Variants in SCD5 observed in about 807,000 individuals in gnomAD.
The protein encoded by SCD5 is acyl-CoA-desaturase 4.
SCD5 carries 20 observed loss-of-function variants against 30.4 expected under a neutral mutation model. The ratio of observed to expected loss-of-function variants is 0.66; its 90% CI spans 0.46 to 0.96. The LOEUF is 0.96. Among genes scored for constraint, SCD5 ranks in the 40% least tolerant of loss-of-function variants. The pLI, the probability that SCD5 is intolerant of heterozygous loss-of-function variation, is 0.00. For missense variants in SCD5, 381 were observed against 443.3 expected, an observed-to-expected ratio of 0.86 and a Z score of 1.26; for synonymous variants, 173 against 176.4, an observed-to-expected ratio of 0.98 and a Z score of 0.16.
At chr4:82,788,112 G>A (rs1359046615) in intron 1 of SCD5, among the ~76,000 whole-genome samples, 2 of 152,164 alleles carry the variant, frequency 1.3e-5, no homozygotes, top group Non-Finnish European at 2.9e-5. Context: ...GCCATGTGAA[G>A]ACACAGAAAG....
chr4:82,723,254 T>C (rs1236080432), intron 1 of SCD5, among the ~76,000 whole-genome samples: 1 of 152,174 alleles, frequency 6.6e-6, no homozygotes, highest in Non-Finnish European at 1.5e-5. Context: ...GTCTTGTTTG[T>C]GACGTTTATT....
At chr4:82,770,479 G>A (rs140275910) in intron 1 of SCD5, among the ~76,000 whole-genome samples, 2 of 152,194 alleles carry the variant, frequency 1.3e-5, no homozygotes, top group Non-Finnish European at 2.9e-5. Flanking sequence ...TACTTTCAGA[G>A]TACAGTAAGC....
Position 82,631,532 on chromosome 4 carries a change from G to A in SCD5, c.803-15C>T, listed in dbSNP as rs374263291. On this transcript the variant is annotated splice_polypyrimidine_tract_variant and intron_variant, in intron 4 of 4. Transcript: ENST00000319540. The stretch of plus-strand genomic sequence containing the variant: ...GAAGCCTTCACCTGGAAGACAAAGC[G>A]GGCATTGATATAATTCAATCACCAC... 83 of 1,612,314 alleles carry A rather than the reference G, an allele frequency of 5.1e-5. No individual in the cohort carries two copies. Among genetic ancestry groups the A allele is most frequent in the Non-Finnish European group, 6.4e-5 (76 of 1,178,824 alleles).
chr4:82,794,998 C>T (rs969462645), intron 1 of SCD5, among the ~76,000 whole-genome samples: 1 of 152,076 alleles, frequency 6.6e-6, no homozygotes, highest in African/African-American at 2.4e-5. Flanking sequence ...GACCTGGGGG[C>T]ACCAAGAGCA....
At chr4:82,683,664 T>C (rs1728628728) in intron 2 of SCD5, among the ~76,000 whole-genome samples, 1 of 152,230 alleles carries the variant, frequency 6.6e-6, no homozygotes, top group Non-Finnish European at 1.5e-5. Context: ...TCTGTAACTG[T>C]AATCCCCATG....
chr4:82,768,064 G>A (rs866547481), intron 1 of SCD5, among the ~76,000 whole-genome samples: 5 of 152,050 alleles, frequency 3.3e-5, no homozygotes, highest in South Asian at 2.1e-4. Flanking sequence ...ACTTAAATTA[G>A]CCAAAAATTT....
At chr4:82,751,516 T>A (rs1221562359) in intron 1 of SCD5, among the ~76,000 whole-genome samples, 16 of 152,250 alleles carry the variant, frequency 1.1e-4, no homozygotes, top group Admixed American at 1.0e-3. Context: ...CCTATGTACA[T>A]CAGTCAGGGA....
rs141118323 is a variant in SCD5, at chr4:82,760,829, C to T, written c.232+37477G>A. On this transcript the variant is annotated intron_variant, in intron 1 of 4. Transcript: ENST00000319540. ...CATTCTTGCCGCACCACAATTCATC[C>T]CCCTATCTAGACCGTCAGCTTCCCA... Among the ~76,000 whole-genome samples the T allele has an allele frequency of 4.9e-3, 747 of 152,294 alleles. 11 individuals are homozygous for T. The highest frequency in any genetic ancestry group is 0.02 in the Middle Eastern group (6 of 294).
At chr4:82,677,398 T>G (rs1728459754) in intron 3 of SCD5, among the ~76,000 whole-genome samples, 1 of 152,220 alleles carries the variant, frequency 6.6e-6, no homozygotes, top group Non-Finnish European at 1.5e-5. Flanking sequence ...AAGCTCTCCA[T>G]GCAGCCCAGG....
chr4:82,729,213 G>A (rs79513739), intron 1 of SCD5, among the ~76,000 whole-genome samples: 6,321 of 152,274 alleles, frequency 0.042, 192 homozygotes, highest in Non-Finnish European at 0.061. Flanking sequence ...TACAAAGTCC[G>A]TGAAGACAAG....
rs192105088 is a variant in SCD5 at position 82,720,043 on chromosome 4, T to A, written c.233-14630A>T. Reference sequence around the variant, plus strand: ...TAGTTGTAAAATGATTTTTAATATATTTTTATGGAGAAGGGGCCTACAAAG... The same window carrying A: ...TAGTTGTAAAATGATTTTTAATATAATTTTATGGAGAAGGGGCCTACAAAG... On this transcript the variant is annotated intron_variant, in intron 1 of 4. Transcript: ENST00000319540. Among the ~76,000 whole-genome samples, 215 of 149,526 alleles carry A rather than the reference T, an allele frequency of 1.4e-3. 2 individuals carry two copies. Among genetic ancestry groups the A allele is most frequent in the African/African-American group, 5.2e-3 (203 of 39,032 alleles).
intron 1 of SCD5, among the ~76,000 whole-genome samples, chr4:82,774,221 C>A (rs1290748037): frequency 6.6e-6 from 1 of 151,128 alleles, no homozygotes; most frequent in African/African-American, 2.4e-5. Flanking sequence ...AACACTGCAA[C>A]AACAACGAAA....
chr4:82,696,007 T>C (rs1719688998), intron 2 of SCD5, among the ~76,000 whole-genome samples: 1 of 152,196 alleles, frequency 6.6e-6, no homozygotes, highest in African/African-American at 2.4e-5. Context: ...AAGCTCCTCA[T>C]CCAAGGGCCA....
At chr4:82,757,696 T>A (rs1360688379) in intron 1 of SCD5, among the ~76,000 whole-genome samples, 1 of 152,212 alleles carries the variant, frequency 6.6e-6, no homozygotes, top group Non-Finnish European at 1.5e-5. Context: ...ATCACTTATC[T>A]TGTAGAGCCT....
intron 2 of SCD5, among the ~76,000 whole-genome samples, chr4:82,690,086 G>A (rs1728799042): frequency 6.6e-6 from 1 of 152,096 alleles, no homozygotes; most frequent in Non-Finnish European, 1.5e-5. Flanking sequence ...ATCCTCAATT[G>A]GACCCTGAAC....
chr4:82,702,127 C>CAT (rs1719858521), intron 2 of SCD5, among the ~76,000 whole-genome samples: 1 of 104,136 alleles, frequency 9.6e-6, no homozygotes, highest in African/African-American at 3.5e-5. Context: ...GCCCCATCAT[C>CAT]ATCTTTTTTT....
chr4:82,738,240 T>A (rs978515491), intron 1 of SCD5, among the ~76,000 whole-genome samples: 2 of 152,258 alleles, frequency 1.3e-5, no homozygotes, highest in African/African-American at 4.8e-5. Flanking sequence ...CTGGCCAACA[T>A]GGTGAAACCC....
chr4:82,763,763 G>GT (rs1443510327), intron 1 of SCD5, among the ~76,000 whole-genome samples: 2 of 152,224 alleles, frequency 1.3e-5, no homozygotes, highest in Non-Finnish European at 1.5e-5. Context: ...CTCCAGAACT[G>GT]TGAGACACAT....
intron 1 of SCD5, among the ~76,000 whole-genome samples, chr4:82,725,706 A>T (rs775666829): frequency 6.6e-5 from 10 of 152,076 alleles, no homozygotes; most frequent in Non-Finnish European, 1.2e-4. Context: ...CAAAAAATAC[A>T]AAAATTAGCT....
Sources: gnomAD v4.1 joint callset for allele counts (sites outside exome capture counted in the v4.1 genomes callset) on GRCh38, gnomAD v4.1.1 for gene constraint, MANE v1.5 for transcripts, NCBI Gene and HGNC (gene_info 2026-07-23, HGNC 2026-07-21) for gene names.